The following RPS3A variants were observed in gnomAD, a reference collection of about 807,000 sequenced individuals.
RPS3A encodes small ribosomal subunit protein eS1.
In RPS3A, 1 loss-of-function variant was observed where a neutral mutation model predicts 26.4. The ratio of observed to expected loss-of-function variants is 0.04; its 90% confidence interval spans 0.01 to 0.18. The LOEUF (loss-of-function observed/expected upper bound fraction) is 0.18, where lower values mean the gene tolerates loss of function less well. Among genes scored for constraint, RPS3A ranks in the 10% least tolerant of loss-of-function variants. The pLI, the probability that RPS3A is intolerant of heterozygous loss-of-function variation, is 1.00. For synonymous variants in RPS3A, 97 were observed against 106.1 expected (o/e 0.91, Z 0.53); for missense variants, 139 against 326.8 (o/e 0.43, Z 4.43).
At chr4:151,104,448 T>TG in intron 5 of RPS3A, 24 bp from the exon 6 acceptor site, 2 of 1,388,870 alleles carry the variant, frequency 1.4e-6, no homozygotes, top group Non-Finnish European at 1.9e-6. Flanking sequence ...GGTTTTTTTT[T>TG]TTTTTTTTTT....
At chr4:151,103,112 A>G (rs1333916998) in intron 4 of RPS3A, 33 bp downstream of exon 4, 6 of 1,580,946 alleles carry the variant, frequency 3.8e-6, no homozygotes, top group Non-Finnish European at 5.1e-6. Flanking sequence ...ACACAACACA[A>G]CCTTGAGTAT....
intron 2 of RPS3A, 126 bp downstream of exon 2, chr4:151,100,714 C>T: frequency 1.5e-6 from 1 of 672,258 alleles, no homozygotes; most frequent in East Asian, 2.7e-5. Context: ...TGGTTGCAGC[C>T]TTGGCACCTG....
chr4:151,103,918 G>A (rs771626758), intron 4 of RPS3A: 4 of 1,494,794 alleles, frequency 2.7e-6, no homozygotes, highest in Non-Finnish European at 9.0e-7. Context: ...TTAGCTAAGA[G>A]GGTGTAATGG....
At chr4:151,103,281 G>C in intron 4 of RPS3A, 5 of 1,069,858 alleles carry the variant, frequency 4.7e-6, no homozygotes, top group Non-Finnish European at 6.3e-6. Flanking sequence ...TCAGAGTCTT[G>C]CTCTGTTGCC....
rs534290972 is a variant in RPS3A at position 151,103,465 on chromosome 4, A to C, written c.563+386A>C. The C allele has an allele frequency of 1.3e-5, 13 of 983,816 alleles. No individual in the cohort carries two copies. The East Asian group carries it at 1.0e-3, about 79-fold the overall frequency. The allele number at this position is 983,816 out of a possible 1,614,324, so 60.9% of individuals were successfully genotyped here. A position where few individuals can be genotyped will look rare whatever the true frequency, so the allele number is the denominator to read the frequency against. On this transcript the variant is annotated intron_variant, in intron 4 of 5. Coordinates refer to ENST00000274065, the MANE Select transcript of RPS3A (RefSeq NM_001006.5). Reference sequence around the variant, plus strand: ...GAGATGGGGTTTCATCATGTTGGCCAGGCTGGTCTTGAACTCCTGACTTCA... The same window carrying C: ...GAGATGGGGTTTCATCATGTTGGCCCGGCTGGTCTTGAACTCCTGACTTCA...
At chr4:151,099,961 T>A (rs940255317) in intron 1 of RPS3A, 5 of 670,374 alleles carry the variant, frequency 7.5e-6, no homozygotes, top group Non-Finnish European at 1.4e-5. Context: ...GCGACTCGGC[T>A]GGAATGTTAG....
intron 2 of RPS3A, 22 bp from the exon 3 acceptor site, chr4:151,100,953 T>TA: frequency 1.3e-6 from 2 of 1,547,780 alleles, no homozygotes; most frequent in Non-Finnish European, 1.8e-6. Flanking sequence ...AATGTTAAGA[T>TA]ACTTGTTTTT....
At chr4:151,100,254 G>C (rs1747061686) in intron 1 of RPS3A, among the ~76,000 whole-genome samples, 1 of 152,216 alleles carries the variant, frequency 6.6e-6, no homozygotes, top group African/African-American at 2.4e-5. Context: ...GTAGTGGATG[G>C]ACCGATGAGG....
chr4:151,100,659 T>A, intron 2 of RPS3A, 71 bp downstream of exon 2: 1 of 926,756 alleles, frequency 1.1e-6, no homozygotes, highest in East Asian at 2.4e-5. Context: ...CATCTTGGTC[T>A]GTTGTTGGTC....
intron 5 of RPS3A, 33 bp from the exon 6 acceptor site, chr4:151,104,439 G>GTTTTTTTTTTTTGTT: frequency 2.8e-6 from 2 of 710,330 alleles, no homozygotes; most frequent in Non-Finnish European, 3.6e-6. Flanking sequence ...CAGTTTTTTG[G>GTTTTTTTTTTTTGTT]TTTTTTTTTT....
chr4:151,102,069 C>A (rs762953428), intron 3 of RPS3A: 2 of 518,142 alleles, frequency 3.9e-6, no homozygotes, highest in Non-Finnish European at 7.7e-6. Context: ...TGAATGATGA[C>A]AAAATGTTTC....
chr4:151,104,446 T>TTG, intron 5 of RPS3A, 26 bp from the exon 6 acceptor site: 2 of 1,366,374 alleles, frequency 1.5e-6, no homozygotes, highest in Non-Finnish European at 1.9e-6. Flanking sequence ...TTGGTTTTTT[T>TTG]TTTTTTTTTT....
chr4:151,103,849 G>A (rs754202454), intron 4 of RPS3A: 92 of 1,389,190 alleles, frequency 6.6e-5, no homozygotes, highest in Non-Finnish European at 8.5e-5. Context: ...AAAAAGTTTC[G>A]GTCCCAGATG....
intron 1 of RPS3A, among the ~76,000 whole-genome samples, chr4:151,100,157 C>T (rs957398121): frequency 1.3e-5 from 2 of 152,206 alleles, no homozygotes; most frequent in African/African-American, 4.8e-5. Context: ...CAGTACATGC[C>T]ATTACGTGCC....
At position 151,100,600 on chromosome 4, in the gene RPS3A, A is replaced by T. The variant is rs1240600519; in HGVS notation, c.166+12A>T. The T allele has an allele frequency of 6.8e-7, 1 of 1,467,280 alleles. No homozygotes were observed. Among genetic ancestry groups the T allele is most frequent in the Non-Finnish European group, 9.5e-7 (1 of 1,047,220 alleles). 90.9% of individuals were successfully genotyped at this position (1,467,280 alleles called of 1,614,324 possible). The stretch of plus-strand genomic sequence containing the variant: ...GACCCAAGGAACCAGTAAGTAGCTT[A>T]TTCTTGGTTTGTATTTTCCTTAAGT... On this transcript the variant is annotated intron_variant, in intron 2 of 5. Coordinates refer to ENST00000274065, the MANE Select transcript of RPS3A (RefSeq NM_001006.5).
chr4:151,103,729 C>A, intron 4 of RPS3A: 2 of 1,128,158 alleles, frequency 1.8e-6, no homozygotes, highest in Admixed American at 3.2e-5. Flanking sequence ...TAGGGAGACC[C>A]TGTCCCAAAA....
At chr4:151,102,305 T>G (rs909922252) in intron 3 of RPS3A, among the ~76,000 whole-genome samples, 1 of 152,180 alleles carries the variant, frequency 6.6e-6, no homozygotes, top group African/African-American at 2.4e-5. Flanking sequence ...GGCAATAATA[T>G]GACCACTAAC....
At chr4:151,104,337 G>T in intron 5 of RPS3A, 51 bp downstream of exon 5, 2 of 1,588,280 alleles carry the variant, frequency 1.3e-6, no homozygotes, top group South Asian at 1.1e-5. Context: ...TTGTTTTTGG[G>T]TGGAGGAGGA....
At chr4:151,103,777 G>A (rs896314677) in intron 4 of RPS3A, 2 of 1,331,622 alleles carry the variant, frequency 1.5e-6, no homozygotes, top group Admixed American at 2.0e-5. Context: ...CACACACAAA[G>A]AAAAAATACA....
Sources: allele counts gnomAD v4.1 joint callset (sites outside exome capture counted in the v4.1 genomes callset), GRCh38; gene constraint gnomAD v4.1.1; transcripts MANE v1.5; gene names NCBI Gene and HGNC (gene_info 2026-07-23, HGNC 2026-07-21).